Variants in GRAMD4 observed in about 807,000 individuals in gnomAD.
The protein encoded by GRAMD4 is GRAM domain-containing protein 4.
Under a neutral mutation model 83.9 loss-of-function variants are expected in GRAMD4, and 25 were observed. The ratio of observed to expected loss-of-function variants is 0.30; its 90% CI spans 0.22 to 0.42. The LOEUF (loss-of-function observed/expected upper bound fraction) is 0.42, where lower values mean the gene tolerates loss of function less well. Among genes scored for constraint, GRAMD4 ranks in the 10% least tolerant of loss-of-function variants. The probability of loss-of-function intolerance (pLI) is 1.00; values close to 1 mark genes in which losing one functional copy is unlikely to be tolerated. For missense variants in GRAMD4, 593 were observed against 788.7 expected, an observed-to-expected ratio of 0.75 and a Z score of 2.97; for synonymous variants, 336 against 320.9, an observed-to-expected ratio of 1.05 and a Z score of -0.50.
rs185113641 is a variant in GRAMD4, at chr22:46,608,400, C to T, written c.-49-18351C>T. 1.1e-3 allele frequency among the ~76,000 whole-genome samples: 165 copies of T among 152,254 alleles called. 1 individual carries two copies. The highest frequency in any genetic ancestry group is 3.0e-3 in the African/African-American group (124 of 41,544). On this transcript the variant is annotated intron_variant, in intron 1 of 1. Transcript: ENST00000431155. ...TTCCTTCTGAAATAGTATTTTGGGC[C>T]GGGCATGGTGGCTCACACCTGTAAT...
chr22:46,673,654 T>C lies in GRAMD4; in HGVS notation c.1240-16T>C. 6.2e-7 allele frequency: 1 copy of C among 1,608,202 alleles called. No individual in the cohort carries two copies. Among genetic ancestry groups the C allele is most frequent in the Non-Finnish European group, 8.5e-7 (1 of 1,176,240 alleles). ...TGGGCAGCGGGCCTGACCTCGACGC[T>C]GTTTGCCGTTGGCAGCTGCAGACGA... is the stretch of plus-strand genomic sequence containing the variant. On this transcript the variant is annotated splice_polypyrimidine_tract_variant and intron_variant, in intron 14 of 18. Transcript: ENST00000406902.
Position 46,678,840 on chromosome 22 carries a change from G to A in GRAMD4, c.*1589G>A. 2.0e-6 allele frequency: 2 copies of A among 986,156 alleles called. No homozygotes were observed. Among genetic ancestry groups the A allele is most frequent in the Non-Finnish European group, 2.4e-6 (2 of 830,092 alleles). 61.1% of individuals were successfully genotyped at this position (986,156 alleles called of 1,614,324 possible). ...TGGTGCCGGGGGTGCTTTGGGGGGA[G>A]CTGCGCCGATCACCAGATTAAGCAC... On this transcript the variant is annotated 3_prime_UTR_variant, in exon 19 of 19. Coordinates refer to ENST00000406902, the MANE Select transcript of GRAMD4 (RefSeq NM_015124.5).
At chr22:46,581,686 G>A (rs961121738) in intron 1 of GRAMD4, among the ~76,000 whole-genome samples, 2 of 152,238 alleles carry the variant, frequency 1.3e-5, no homozygotes, top group Admixed American at 1.3e-4. Flanking sequence ...CTGGAGGTAG[G>A]TGCTCTTGTT....
chr22:46,677,518 C>T lies in GRAMD4; in HGVS notation c.*267C>T, dbSNP rs1221879802. On this transcript the variant is annotated 3_prime_UTR_variant, in exon 19 of 19. Transcript: ENST00000406902. ...CAGACTGGGGGAGGGGGCAGAGGCC[C>T]TCGGGGGCCCGTGGAGAAGACACAC... 5 of 1,224,056 alleles carry T rather than the reference C, an allele frequency of 4.1e-6. No individual in the cohort carries two copies. Among genetic ancestry groups the T allele is most frequent in the Non-Finnish European group, 5.1e-6 (5 of 976,100 alleles). The allele number at this position is 1,224,056 out of a possible 1,614,324, so 75.8% of individuals were successfully genotyped here.
At chr22:46,645,440 A>G (rs1314904643) in intron 3 of GRAMD4, among the ~76,000 whole-genome samples, 1 of 152,192 alleles carries the variant, frequency 6.6e-6, no homozygotes, top group Non-Finnish European at 1.5e-5. Context: ...AGCTGTGTTC[A>G]GGAGTCAGGA....
At chr22:46,615,781 TGC>T (rs1361691213), upstream of GRAMD4, among the ~76,000 whole-genome samples, 55 of 13,758 alleles carry the variant, frequency 4.0e-3, 21 homozygotes, top group Non-Finnish European at 5.3e-3. Context: ...GGTTCCCCTG[TGC>T]GTGTAGGTTC....
At chr22:46,609,049 C>A (rs1053094848) in intron 1 of GRAMD4, among the ~76,000 whole-genome samples, 1 of 152,066 alleles carries the variant, frequency 6.6e-6, no homozygotes, top group Non-Finnish European at 1.5e-5. Context: ...GCCACAGTGA[C>A]CTATGATTGT....
chr22:46,668,972 A>G lies in GRAMD4; in HGVS notation c.1084+64A>G, dbSNP rs899881655. 6.8e-6 allele frequency: 6 copies of G among 878,546 alleles called. No individual in the cohort carries two copies. In the Admixed American group the frequency reaches 8.8e-5, roughly 13 times the overall value. The allele number at this position is 878,546 out of a possible 1,614,324, so 54.4% of individuals were successfully genotyped here. On this transcript the variant is annotated intron_variant, in intron 13 of 18. Coordinates refer to ENST00000406902, the MANE Select transcript of GRAMD4 (RefSeq NM_015124.5). The stretch of plus-strand genomic sequence containing the variant: ...GGGACACAGGTGTCCGCATGCCACC[A>G]GTGTCTGCCAGGTGTCTGCAAGAGC...
Position 46,672,901 on chromosome 22 carries a change from G to T in GRAMD4, c.1143G>T (p.Arg381Ser). 6.2e-7 allele frequency: 1 copy of T among 1,612,444 alleles called. No homozygotes were observed. Among genetic ancestry groups the T allele is most frequent in the Non-Finnish European group, 8.5e-7 (1 of 1,179,572 alleles). Residue 381 changes from arginine to serine, a missense_variant, in exon 14 of 19, where the codon AGG (arginine) becomes AGT (serine). By Grantham distance (110) the Arg-to-Ser change is moderately radical. Around this residue, in one of 4 missense-constraint regions of GRAMD4, gnomAD observed 171 missense variants for 199.6 expected, o/e 0.86. Transcript: ENST00000406902. The surrounding 1 kb of genome is among the most constrained non-coding windows in gnomAD (Gnocchi z 4.7). ...ATTTCATCTTTAAACGCTGCCCGAG[G>T]CTGCGCGCCAAGTACGACACGCCCT... ...LIDFIFKRCP[R>S]LRAKYDTPYI...
upstream of GRAMD4, among the ~76,000 whole-genome samples, chr22:46,616,942 G>T (rs200944732): frequency 1.3e-5 from 1 of 78,302 alleles, no homozygotes; most frequent in Non-Finnish European, 2.7e-5. Context: ...TCCCCTGTGC[G>T]TGTAGGTTCC....
At chr22:46,670,960 A>G in intron 13 of GRAMD4, 1 of 305,602 alleles carries the variant, frequency 3.3e-6, no homozygotes, top group Non-Finnish European at 7.6e-6. Flanking sequence ...CCACCCTGAG[A>G]TCACCACTGC....
intron 1 of GRAMD4, among the ~76,000 whole-genome samples, chr22:46,588,535 T>A (rs2081174098): frequency 6.6e-6 from 1 of 152,186 alleles, no homozygotes. Flanking sequence ...GCCAGCCACG[T>A]TCTAAGCTTT....
At chr22:46,623,790 T>G (rs1171434589) in intron 1 of GRAMD4, among the ~76,000 whole-genome samples, 1 of 151,636 alleles carries the variant, frequency 6.6e-6, no homozygotes, top group Non-Finnish European at 1.5e-5. Context: ...CTGCCTTTTT[T>G]TTTTTTTTTT....
intron 2 of GRAMD4, among the ~76,000 whole-genome samples, chr22:46,635,472 C>T (rs183484775): frequency 5.1e-4 from 48 of 94,444 alleles, no homozygotes; most frequent in Non-Finnish European, 8.3e-4. Flanking sequence ...CCTCCCTGCC[C>T]CCACCCCTGG....
At chr22:46,668,203 G>T (rs764943393) in intron 11 of GRAMD4, 36 bp downstream of exon 11, 18 of 1,467,622 alleles carry the variant, frequency 1.2e-5, no homozygotes, top group African/African-American at 2.8e-5. Flanking sequence ...GTGTGTCTGC[G>T]CCAGCCATGG....
At chr22:46,670,201 C>T (rs1373593349) in intron 13 of GRAMD4, among the ~76,000 whole-genome samples, 1 of 152,234 alleles carries the variant, frequency 6.6e-6, no homozygotes, top group African/African-American at 2.4e-5. Flanking sequence ...ATGCCCCCTG[C>T]CACGTTTCCT....
intron 1 of GRAMD4, among the ~76,000 whole-genome samples, chr22:46,603,451 C>T (rs140704310): frequency 0.026 from 3,973 of 149,964 alleles, 199 homozygotes; most frequent in African/African-American, 0.093. Context: ...CCTCGTGATC[C>T]GCCCGCCTCC....
chr22:46,594,162 C>T lies in GRAMD4; in HGVS notation c.-50+16872C>T, dbSNP rs2081237362. ...CACCCCAGCATCCCGCCAGCCCCTCCCCAGCTGCCCCACGCCCGGCTCCTG... is the reference window on the plus strand; with the variant it reads ...CACCCCAGCATCCCGCCAGCCCCTCTCCAGCTGCCCCACGCCCGGCTCCTG... On this transcript the variant is annotated intron_variant, in intron 1 of 1. Coordinates refer to the GRAMD4 transcript ENST00000431155. 2.6e-5 allele frequency among the ~76,000 whole-genome samples: 4 copies of T among 151,932 alleles called. No homozygotes were observed. The South Asian group carries it at 8.3e-4, about 32-fold the overall frequency.
At chr22:46,608,445 G>A (rs1396716704) in intron 1 of GRAMD4, among the ~76,000 whole-genome samples, 7 of 152,326 alleles carry the variant, frequency 4.6e-5, no homozygotes, top group South Asian at 2.1e-4. Context: ...TTGGGAGGCC[G>A]AGGCAGGCGG....
Sources: gnomAD v4.1 joint callset for allele counts (sites outside exome capture counted in the v4.1 genomes callset) on GRCh38, gnomAD v4.1.1 for gene constraint, gnomAD v4.1.1 regional missense constraint, Gnocchi (gnomAD v3.1) non-coding constraint, MANE v1.5 for transcripts, NCBI Gene and HGNC (gene_info 2026-07-23, HGNC 2026-07-21) for gene names.